The following ALG13 variants were observed in gnomAD, a reference collection of about 807,000 sequenced individuals.
ALG13 encodes the protein UDP-N-acetylglucosamine transferase subunit ALG13.
Under a neutral mutation model 87.8 loss-of-function variants are expected in ALG13, and 11 were observed. The ratio of observed to expected loss-of-function variants is 0.13; its 90% CI spans 0.08 to 0.21. ALG13 has a LOEUF of 0.21. ALG13 is among the 10% of genes least tolerant of loss of function. The pLI, the probability that ALG13 is intolerant of heterozygous loss-of-function variation, is 1.00. For synonymous variants in ALG13, 320 were observed against 306.3 expected (o/e 1.04, Z -0.47); for missense variants, 756 against 866.1 (o/e 0.87, Z 1.60).
intron 11 of ALG13, among the ~76,000 whole-genome samples, chrX:111,720,977 A>G (rs1230203039): frequency 5.6e-5 from 6 of 107,979 alleles, no homozygotes; most frequent in African/African-American, 2.0e-4. Context: ...GCATTTTGCT[A>G]CTTTAGTCTC....
chrX:111,713,952 G>T (rs927097270), intron 8 of ALG13, among the ~76,000 whole-genome samples: 3 of 111,677 alleles, frequency 2.7e-5, no homozygotes, highest in Non-Finnish European at 1.9e-5. Context: ...TATTTTATTA[G>T]TGAAATATAG....
chrX:111,734,337 T>A, intron 21 of ALG13: 1 of 112,750 alleles, frequency 8.9e-6, no homozygotes, highest in Non-Finnish European at 1.9e-5. Flanking sequence ...TGGGAACTTC[T>A]GAGCCAGGGC....
At chrX:111,746,587 C>T (rs1352586539) in intron 24 of ALG13, among the ~76,000 whole-genome samples, 4 of 111,756 alleles carry the variant, frequency 3.6e-5, no homozygotes, top group Non-Finnish European at 5.6e-5. Context: ...GATAGCTGGA[C>T]TGTTTCCAGT....
At chrX:111,728,721 A>G (rs1018280867) in intron 19 of ALG13, among the ~76,000 whole-genome samples, 1 of 110,901 alleles carries the variant, frequency 9.0e-6, no homozygotes, top group Non-Finnish European at 1.9e-5. Context: ...GTTACTTCAT[A>G]CTATGAAGTC....
chrX:111,727,870 A>G, intron 18 of ALG13, 100 bp downstream of exon 18: 1 of 901,955 alleles, frequency 1.1e-6, no homozygotes, highest in Non-Finnish European at 1.5e-6. Context: ...TGTACAAATA[A>G]CCAAACAAAG....
At chrX:111,713,346 C>T in intron 8 of ALG13, 49 bp downstream of exon 8, 1 of 847,382 alleles carries the variant, frequency 1.2e-6, no homozygotes, top group Non-Finnish European at 1.7e-6. Flanking sequence ...TTGAATGATG[C>T]TTCTGGCTTG....
chrX:111,736,494 G>A (rs1206255419), intron 22 of ALG13, among the ~76,000 whole-genome samples: 1 of 111,745 alleles, frequency 8.9e-6, no homozygotes, highest in African/African-American at 3.3e-5. Flanking sequence ...TCATATTAAT[G>A]TATTACCTTT....
chrX:111,697,109 A>G (rs1374069324), intron 3 of ALG13, among the ~76,000 whole-genome samples: 2 of 106,957 alleles, frequency 1.9e-5, no homozygotes, highest in Admixed American at 1.0e-4. Flanking sequence ...TGTCTTTTGT[A>G]TTATTCTAAC....
intron 17 of ALG13, 51 bp downstream of exon 17, chrX:111,727,496 C>T (rs374776366): frequency 3.6e-6 from 4 of 1,105,164 alleles, no homozygotes; most frequent in Non-Finnish European, 4.9e-6. Flanking sequence ...GATTTCATTG[C>T]TGAACATTAA....
chrX:111,716,391 C>G (rs1298532156), intron 8 of ALG13, among the ~76,000 whole-genome samples: 1 of 111,967 alleles, frequency 8.9e-6, no homozygotes, highest in Non-Finnish European at 1.9e-5. Context: ...TGTCTGTCTT[C>G]TTTCTATAAG....
chrX:111,756,221 C>G lies in ALG13; in HGVS notation c.2974-1367C>G, dbSNP rs574520659. 6.3e-5 allele frequency among the ~76,000 whole-genome samples: 7 copies of G among 111,136 alleles called. No individual in the cohort carries two copies. The South Asian group carries it at 2.3e-3, about 37-fold the overall frequency. On this transcript the variant is annotated intron_variant, in intron 25 of 26. Transcript: ENST00000394780. ...GTGGGAGTTGAACAGTGAGAACATA[C>G]GGGCACAGGGAGGTGAACATCACAC... is the stretch of plus-strand genomic sequence containing the variant.
At chrX:111,727,536 T>A in intron 17 of ALG13, 78 bp from the exon 18 acceptor site, 1 of 1,105,513 alleles carries the variant, frequency 9.0e-7, no homozygotes, top group African/African-American at 1.8e-5. Context: ...TTTGAGATAT[T>A]TGAACTGTTA....
chrX:111,758,875 G>C (rs1240616580), intron 26 of ALG13, among the ~76,000 whole-genome samples: 2 of 111,494 alleles, frequency 1.8e-5, no homozygotes, highest in Non-Finnish European at 3.8e-5. Context: ...TGTGGCAGGT[G>C]GATCACCTGA....
chrX:111,696,389 C>T (rs1936967591), intron 3 of ALG13, among the ~76,000 whole-genome samples: 1 of 111,774 alleles, frequency 8.9e-6, no homozygotes. Flanking sequence ...ACTTATTTTA[C>T]AGATGAGGAA....
intron 21 of ALG13, among the ~76,000 whole-genome samples, chrX:111,731,522 C>T (rs957204400): frequency 5.4e-5 from 6 of 111,792 alleles, no homozygotes; most frequent in African/African-American, 2.0e-4. Flanking sequence ...GCCCATCCTT[C>T]CTTGGCAGTG....
chrX:111,736,958 A>G lies in ALG13; in HGVS notation c.2695+79A>G, dbSNP rs965545661. 3.8e-6 allele frequency: 3 copies of G among 791,619 alleles called. No individual in the cohort carries two copies. The African/African-American group carries it at 6.4e-5, about 17-fold the overall frequency. 65.2% of individuals were successfully genotyped at this position (791,619 alleles called of 1,213,427 possible). A position where few individuals can be genotyped will look rare whatever the true frequency, so the allele number is the denominator to read the frequency against. On this transcript the variant is annotated intron_variant, in intron 23 of 26. Coordinates refer to ENST00000394780, the MANE Select transcript of ALG13 (RefSeq NM_001099922.3). ...TGCACATCCAGCTGTTCTGGTAATT[A>G]CATACCATTACTTTAATTTCCAGAA...
At chrX:111,750,341 C>CT in intron 24 of ALG13, among the ~76,000 whole-genome samples, 1 of 111,824 alleles carries the variant, frequency 8.9e-6, no homozygotes, top group African/African-American at 3.2e-5. Flanking sequence ...TTGCAACTAA[C>CT]TTTTTTTCTC....
At chrX:111,681,401 G>A (rs1281544915) in intron 1 of ALG13, 102 bp downstream of exon 1, 3 of 1,175,212 alleles carry the variant, frequency 2.6e-6, no homozygotes, top group East Asian at 6.0e-5. Context: ...CGCTCGGAAA[G>A]AAACCCCCGC....
chrX:111,760,030 C>T lies in ALG13; in HGVS notation c.*31C>T. The T allele has an allele frequency of 8.5e-7, 1 of 1,177,309 alleles. No individual in the cohort carries two copies. The highest frequency in any genetic ancestry group is 1.1e-6 in the Non-Finnish European group (1 of 877,727). On this transcript the variant is annotated 3_prime_UTR_variant, in exon 27 of 27. Transcript: ENST00000394780. ...AGCAGTATGAAGTATTCTTGCACTG[C>T]CATTTTCTTGCTGTTTTTGTTTTTA...
Sources: allele counts gnomAD v4.1 joint callset (sites outside exome capture counted in the v4.1 genomes callset), GRCh38; gene constraint gnomAD v4.1.1; transcripts MANE v1.5; gene names NCBI Gene and HGNC (gene_info 2026-07-23, HGNC 2026-07-21).